Variants in SHISA6 observed in about 807,000 individuals in gnomAD.
The protein encoded by SHISA6 is shisa family member 6.
A neutral mutation model predicts 47.9 loss-of-function variants in SHISA6; 22 were observed. The observed-to-expected ratio is 0.46, with a 90% CI of 0.33 to 0.66. The LOEUF (loss-of-function observed/expected upper bound fraction) is 0.66. Ranked by LOEUF, SHISA6 falls within the 30% of genes least tolerant of loss-of-function variation. The pLI is 0.02. For missense variants in SHISA6, 680 were observed against 764.6 expected, an observed-to-expected ratio of 0.89 and a Z score of 1.30; for synonymous variants, 388 against 337.8, an observed-to-expected ratio of 1.15 and a Z score of -1.63.
chr17:11,253,604 CT>C (rs1400507782), intron 1 of SHISA6, among the ~76,000 whole-genome samples: 2 of 152,160 alleles, frequency 1.3e-5, no homozygotes, highest in African/African-American at 4.8e-5. Flanking sequence ...ATTTTTATGT[CT>C]GTTTCGTTGA....
chr17:11,323,340 A>C (rs1437449200), intron 2 of SHISA6, among the ~76,000 whole-genome samples: 1 of 152,160 alleles, frequency 6.6e-6, no homozygotes, highest in Admixed American at 6.5e-5. Flanking sequence ...CATTGTCCTC[A>C]TAACAATCAA....
chr17:11,338,058 A>C (rs1316060323), intron 2 of SHISA6, among the ~76,000 whole-genome samples: 3 of 152,164 alleles, frequency 2.0e-5, no homozygotes, highest in African/African-American at 7.2e-5. Flanking sequence ...GCCTGGAACC[A>C]GGGTGTAGGA....
intron 3 of SHISA6, among the ~76,000 whole-genome samples, chr17:11,418,129 C>T (rs978860413): frequency 6.6e-6 from 1 of 152,052 alleles, no homozygotes. Context: ...AAAAGTAGCA[C>T]CAAAAAATGT....
chr17:11,350,491 T>C (rs1000884192), intron 2 of SHISA6, among the ~76,000 whole-genome samples: 1 of 152,000 alleles, frequency 6.6e-6, no homozygotes, highest in Non-Finnish European at 1.5e-5. Flanking sequence ...AGGACCCATT[T>C]AAGGGTCAGC....
rs2071934783 is a variant in SHISA6, at chr17:11,551,889, T to C, written c.896-7T>C. Reference sequence around the variant, plus strand: ...TTCTTTAAAAATTTCTTTTCTATGATTTTCAGGTGATCATCAATATAACCA... The same window carrying C: ...TTCTTTAAAAATTTCTTTTCTATGACTTTCAGGTGATCATCAATATAACCA... On this transcript the variant is annotated splice_region_variant and splice_polypyrimidine_tract_variant and intron_variant, in intron 3 of 5. Coordinates refer to ENST00000441885, the MANE Select transcript of SHISA6 (RefSeq NM_207386.4). 1 of 1,551,586 alleles carries C rather than the reference T, an allele frequency of 6.4e-7. No homozygotes were observed. The highest frequency in any genetic ancestry group is 8.7e-7 in the Non-Finnish European group (1 of 1,146,892).
At chr17:11,458,083 TAAAAAAAAAAA>T (rs56304029) in intron 3 of SHISA6, among the ~76,000 whole-genome samples, 2 of 114,528 alleles carry the variant, frequency 1.7e-5, no homozygotes, top group Non-Finnish European at 3.8e-5. Context: ...AGACTCTGTC[TAAAAAAAAAAA>T]AAAAAAAATA....
chr17:11,372,780 C>T (rs1057264951), intron 2 of SHISA6, among the ~76,000 whole-genome samples: 6 of 152,088 alleles, frequency 3.9e-5, no homozygotes, highest in African/African-American at 1.2e-4. Flanking sequence ...GAGTTTCAGC[C>T]GTGCATGGTT....
intron 3 of SHISA6, among the ~76,000 whole-genome samples, chr17:11,462,167 T>TC (rs1356263445): frequency 6.6e-6 from 1 of 152,104 alleles, no homozygotes; most frequent in Non-Finnish European, 1.5e-5. Flanking sequence ...ACCCCTGCTT[T>TC]CCCTCCCCCT....
Position 11,499,975 on chromosome 17 carries a change from T to G in SHISA6, c.896-51921T>G, listed in dbSNP as rs149247729. The stretch of plus-strand genomic sequence containing the variant: ...CCTTGGCCTCCCAAACTGCTGGAAT[T>G]ACAGGTATGAGCCATCGTGCCTGGC... On this transcript the variant is annotated intron_variant, in intron 3 of 5. Transcript: ENST00000441885. 8.5e-5 allele frequency among the ~76,000 whole-genome samples: 13 copies of G among 152,280 alleles called. 1 individual carries two copies. The East Asian group carries it at 2.5e-3, about 29-fold the overall frequency.
intron 3 of SHISA6, among the ~76,000 whole-genome samples, chr17:11,407,509 T>C (rs757158794): frequency 3.3e-5 from 5 of 152,116 alleles, no homozygotes; most frequent in Non-Finnish European, 7.4e-5. Context: ...TTTTTCCTTT[T>C]TCTCTCTCTT....
At chr17:11,381,613 C>A (rs1276775182) in intron 3 of SHISA6, among the ~76,000 whole-genome samples, 1 of 152,146 alleles carries the variant, frequency 6.6e-6, no homozygotes, top group Non-Finnish European at 1.5e-5. Flanking sequence ...AGGATCCAAG[C>A]CATAGGTGAG....
chr17:11,374,137 T>C (rs1912712976), intron 2 of SHISA6, among the ~76,000 whole-genome samples: 1 of 152,218 alleles, frequency 6.6e-6, no homozygotes, highest in African/African-American at 2.4e-5. Context: ...AATTTCCCTA[T>C]TACTTGTGAG....
intron 2 of SHISA6, among the ~76,000 whole-genome samples, chr17:11,366,520 A>G (rs901964875): frequency 2.0e-5 from 3 of 152,210 alleles, no homozygotes; most frequent in Non-Finnish European, 2.9e-5. Flanking sequence ...TATTTTTAGG[A>G]GAAGACTTTT....
chr17:11,423,326 T>TGTAG (rs1555534339), intron 3 of SHISA6, among the ~76,000 whole-genome samples: 1 of 142,622 alleles, frequency 7.0e-6, no homozygotes, highest in East Asian at 2.0e-4. Flanking sequence ...GTAACATATA[T>TGTAG]ATAGATAGAT....
chr17:11,274,727 A>G (rs1908816110), intron 2 of SHISA6, among the ~76,000 whole-genome samples: 1 of 152,200 alleles, frequency 6.6e-6, no homozygotes, highest in Admixed American at 6.5e-5. Context: ...AAGGTGGATT[A>G]GACACAGTCC....
intron 2 of SHISA6, among the ~76,000 whole-genome samples, chr17:11,343,843 A>G (rs1347565201): frequency 6.6e-6 from 1 of 152,238 alleles, no homozygotes; most frequent in Non-Finnish European, 1.5e-5. Flanking sequence ...CAGTACACTC[A>G]TGCATTAGAA....
chr17:11,523,012 G>T (rs1295420030), intron 3 of SHISA6, among the ~76,000 whole-genome samples: 2 of 152,170 alleles, frequency 1.3e-5, no homozygotes. Context: ...CGTTTTTGAA[G>T]ATTTTTCTTC....
At chr17:11,357,344 C>T (rs1393050151) in intron 2 of SHISA6, among the ~76,000 whole-genome samples, 1 of 152,078 alleles carries the variant, frequency 6.6e-6, no homozygotes, top group Non-Finnish European at 1.5e-5. Context: ...TAAGTTACCC[C>T]TCCCATCAAA....
chr17:11,321,012 C>T (rs1339622125), intron 2 of SHISA6, among the ~76,000 whole-genome samples: 1 of 152,142 alleles, frequency 6.6e-6, no homozygotes, highest in African/African-American at 2.4e-5. Flanking sequence ...TTTTTTAAAA[C>T]ACTAAATACC....
Sources: allele counts gnomAD v4.1 joint callset (sites outside exome capture counted in the v4.1 genomes callset), GRCh38; gene constraint gnomAD v4.1.1; transcripts MANE v1.5; gene names NCBI Gene and HGNC (gene_info 2026-07-23, HGNC 2026-07-21).